The following KCNAB1 variants were observed in gnomAD, a reference collection of about 807,000 sequenced individuals.
KCNAB1 encodes potassium voltage-gated channel subfamily A regulatory beta subunit 1.
In KCNAB1, 35 loss-of-function variants were observed where a neutral mutation model predicts 64.6. That is an observed-to-expected ratio of 0.54 (90% CI 0.41 to 0.72). KCNAB1 has a LOEUF of 0.72. Ranked by LOEUF, KCNAB1 falls within the 30% of genes least tolerant of loss-of-function variation. The pLI, the probability that KCNAB1 is intolerant of heterozygous loss-of-function variation, is 0.00. For missense variants in KCNAB1, 401 were observed against 512.9 expected, an observed-to-expected ratio of 0.78 and a Z score of 2.11; for synonymous variants, 177 against 183.8, an observed-to-expected ratio of 0.96 and a Z score of 0.30.
intron 12 of KCNAB1, 110 bp downstream of exon 12, chr3:156,524,057 T>C (rs942355019): frequency 1.8e-6 from 2 of 1,093,848 alleles, no homozygotes; most frequent in East Asian, 2.6e-5. Flanking sequence ...CAGGGACAGA[T>C]GATCTCTGAA....
intron 3 of KCNAB1, among the ~76,000 whole-genome samples, chr3:156,453,481 A>G (rs1712156928): frequency 6.6e-6 from 1 of 152,180 alleles, no homozygotes; most frequent in African/African-American, 2.4e-5. Flanking sequence ...AAGAATTAAC[A>G]CATCATGCTT....
intron 1 of KCNAB1, among the ~76,000 whole-genome samples, chr3:156,177,502 G>C (rs1560121691): frequency 6.6e-6 from 1 of 151,654 alleles, no homozygotes; most frequent in Non-Finnish European, 1.5e-5. Flanking sequence ...TCATACTCCG[G>C]AGTAGCTGGG....
rs893908070 is a variant in KCNAB1 at position 156,419,193 on chromosome 3, T to A, written c.276-2423T>A. 6.6e-4 allele frequency among the ~76,000 whole-genome samples: 101 copies of A among 152,338 alleles called. 2 individuals carry two copies. Among genetic ancestry groups the A allele is most frequent in the Non-Finnish European group, 1.2e-3 (80 of 68,028 alleles). ...ACCCAGTGATATAACTTTGCCTTAT[T>A]TGAGTTTGTTAGAACAATCTCTGAA... On this transcript the variant is annotated intron_variant, in intron 1 of 13. Transcript: ENST00000490337.
At chr3:156,435,813 G>C (rs1298798020) in intron 2 of KCNAB1, among the ~76,000 whole-genome samples, 3 of 151,948 alleles carry the variant, frequency 2.0e-5, no homozygotes, top group Non-Finnish European at 4.4e-5. Flanking sequence ...AGGTTCTGTT[G>C]TGTGCATGTT....
At chr3:156,345,468 GT>G (rs1576753674) in intron 1 of KCNAB1, among the ~76,000 whole-genome samples, 2 of 152,236 alleles carry the variant, frequency 1.3e-5, no homozygotes, top group Non-Finnish European at 2.9e-5. Context: ...AAGCTAAAGT[GT>G]TTTAGTTTGA....
intron 1 of KCNAB1, among the ~76,000 whole-genome samples, chr3:156,398,774 A>G (rs1262235883): frequency 6.7e-6 from 1 of 149,864 alleles, no homozygotes; most frequent in Non-Finnish European, 1.5e-5. Context: ...GAAATTTTTA[A>G]AAGAAGGGAT....
intron 1 of KCNAB1, among the ~76,000 whole-genome samples, chr3:156,135,474 A>T (rs1714288726): frequency 6.6e-6 from 1 of 152,210 alleles, no homozygotes; most frequent in Non-Finnish European, 1.5e-5. Context: ...ACTGCTTAAT[A>T]GTGCCAATTT....
At chr3:156,122,055 G>T (rs553673358) in intron 1 of KCNAB1, among the ~76,000 whole-genome samples, 21 of 152,166 alleles carry the variant, frequency 1.4e-4, no homozygotes, top group African/African-American at 4.1e-4. Context: ...TTAAAAATTA[G>T]CACAAAATAA....
In KCNAB1 at chr3:156,282,233, C is replaced by T. The variant is rs1182500073; in HGVS notation, c.276-139383C>T. Among the ~76,000 whole-genome samples the T allele has an allele frequency of 7.4e-4, 111 of 149,454 alleles. No homozygotes were observed. In the Middle Eastern group the frequency reaches 0.014, roughly 18 times the overall value. On this transcript the variant is annotated intron_variant, in intron 1 of 13. Transcript: ENST00000490337. ...TTCATTTCGTTATGTACCCAGTAGTCATTCAGGAGCAGGTTGTTCAGTTTC... is the reference window on the plus strand; with the variant it reads ...TTCATTTCGTTATGTACCCAGTAGTTATTCAGGAGCAGGTTGTTCAGTTTC...
intron 1 of KCNAB1, among the ~76,000 whole-genome samples, chr3:156,280,432 G>T (rs1369624456): frequency 6.6e-6 from 1 of 151,736 alleles, no homozygotes; most frequent in Non-Finnish European, 1.5e-5. Flanking sequence ...TTTGGCTTAG[G>T]ATTGCCTTGG....
At chr3:156,504,151 T>G (rs1024896636) in intron 8 of KCNAB1, among the ~76,000 whole-genome samples, 2 of 152,198 alleles carry the variant, frequency 1.3e-5, no homozygotes, top group African/African-American at 4.8e-5. Context: ...ATGAGTGAGA[T>G]AAATATGAGT....
At chr3:156,451,610 T>C (rs1398910069) in intron 2 of KCNAB1, among the ~76,000 whole-genome samples, 2 of 152,190 alleles carry the variant, frequency 1.3e-5, no homozygotes, top group Non-Finnish European at 2.9e-5. Context: ...GCTAGGACTG[T>C]TATTACAAAA....
intron 8 of KCNAB1, among the ~76,000 whole-genome samples, chr3:156,504,742 GTTTTTTTTGTTTTT>G (rs1716703678): frequency 2.5e-5 from 2 of 81,240 alleles, no homozygotes; most frequent in Non-Finnish European, 6.2e-5. Context: ...TTTTGTTTTT[GTTTTTTTTGTTTTT>G]TTTTTTTTGC....
At chr3:156,454,600 G>C (rs114074566) in intron 3 of KCNAB1, among the ~76,000 whole-genome samples, 1,751 of 152,216 alleles carry the variant, frequency 0.012, 26 homozygotes, top group African/African-American at 0.04. Flanking sequence ...GACTCTGTCT[G>C]ACTGGCACCA....
intron 1 of KCNAB1, among the ~76,000 whole-genome samples, chr3:156,189,696 C>A (rs1289287251): frequency 4.0e-5 from 6 of 150,086 alleles, no homozygotes; most frequent in Admixed American, 3.9e-4. Context: ...AAAGCTTATT[C>A]TTTTCAGTAA....
intron 8 of KCNAB1, among the ~76,000 whole-genome samples, chr3:156,484,762 C>A (rs1350407022): frequency 6.6e-6 from 1 of 151,988 alleles, no homozygotes; most frequent in African/African-American, 2.4e-5. Flanking sequence ...AAACAAATAC[C>A]CTCGAGTCTC....
chr3:156,469,922 C>T (rs1446665421), intron 7 of KCNAB1, among the ~76,000 whole-genome samples: 1 of 152,174 alleles, frequency 6.6e-6, no homozygotes, highest in African/African-American at 2.4e-5. Context: ...TTCATTGGTA[C>T]TTGGTTCTGT....
At chr3:156,186,179 T>G (rs973039767) in intron 1 of KCNAB1, among the ~76,000 whole-genome samples, 1 of 152,358 alleles carries the variant, frequency 6.6e-6, no homozygotes, top group South Asian at 2.1e-4. Flanking sequence ...TCTGTTTTAC[T>G]TGCTACTTTA....
At chr3:156,129,447 G>T (rs536149532) in intron 1 of KCNAB1, among the ~76,000 whole-genome samples, 1 of 152,248 alleles carries the variant, frequency 6.6e-6, no homozygotes, top group Admixed American at 6.5e-5. Context: ...GCCAGTTAGA[G>T]ATGTTGTGCC....
Sources: allele counts gnomAD v4.1 joint callset (sites outside exome capture counted in the v4.1 genomes callset), GRCh38; gene constraint gnomAD v4.1.1; transcripts MANE v1.5; gene names NCBI Gene and HGNC (gene_info 2026-07-23, HGNC 2026-07-21).